Variants in CERK observed in about 807,000 individuals in gnomAD.
CERK encodes the protein acylsphingosine kinase.
A neutral mutation model predicts 63.4 loss-of-function variants in CERK; 39 were observed. That is an observed-to-expected ratio of 0.61 (90% CI 0.48 to 0.80). The LOEUF (loss-of-function observed/expected upper bound fraction) is 0.80. CERK is among the 30% of genes least tolerant of loss of function. CERK has a pLI of 0.00. For synonymous variants in CERK, 302 were observed against 280.0 expected (o/e 1.08, Z -0.78); for missense variants, 670 against 714.1 (o/e 0.94, Z 0.70).
chr22:46,698,266 G>A (rs1344227467), intron 8 of CERK, among the ~76,000 whole-genome samples: 8 of 152,244 alleles, frequency 5.3e-5, no homozygotes, highest in African/African-American at 1.2e-4. Context: ...CAGGGAGTGC[G>A]GCGTGGCATT....
At chr22:46,735,472 C>G (rs1041208478) in intron 1 of CERK, 1 of 152,266 alleles carries the variant, frequency 6.6e-6, no homozygotes, top group Non-Finnish European at 1.5e-5. Flanking sequence ...CCAGTCAATT[C>G]CCACTCCTAC....
At position 46,699,349 on chromosome 22, in the gene CERK, T is replaced by G. The variant is rs1359093782; in HGVS notation, c.907A>C (p.Lys303Gln). The change falls in exon 8 of 13, where the codon AAA becomes CAA. Residue 303 changes from lysine (K) to glutamine (Q), a missense_variant. Physicochemically the swap from Lys to Gln is moderately conservative, Grantham distance 53. Transcript: ENST00000216264. ...TATCTGGCAAGACCCAACCACCGTT[T>G]CTTCTCACTGTCCTTGATGATGTCC... ...YGDIIKDSEK[K>Q]RWLGLARYDF... 13 of 1,614,194 alleles carry G rather than the reference T, an allele frequency of 8.1e-6. No homozygotes were observed.
At chr22:46,716,559 T>A (rs563331705) in intron 3 of CERK, among the ~76,000 whole-genome samples, 1 of 152,086 alleles carries the variant, frequency 6.6e-6, no homozygotes, top group African/African-American at 2.4e-5. Context: ...GTAATTCTTA[T>A]TAATTACATA....
chr22:46,693,916 A>G (rs1171781504), intron 9 of CERK: 3 of 212,816 alleles, frequency 1.4e-5, no homozygotes, highest in African/African-American at 4.7e-5. Flanking sequence ...TAACAAGCAA[A>G]TAACTCAGAA....
chr22:46,728,774 G>A (rs1328567916), intron 1 of CERK, among the ~76,000 whole-genome samples: 1 of 152,236 alleles, frequency 6.6e-6, no homozygotes, highest in Non-Finnish European at 1.5e-5. Flanking sequence ...GCTGGGAGCT[G>A]GGTTTATCTC....
In CERK at chr22:46,699,312, C is replaced by T. The variant is rs1290989986; in HGVS notation, c.943+1G>A. On this transcript the variant is annotated splice_donor_variant, in intron 8 of 12. Transcript: ENST00000216264. LOFTEE classifies it high-confidence loss of function. ...AGCGAGTCTGCATTATTCTGAGTTACCTGAAAAGTCGTATCTGGCAAGACC... is the reference window on the plus strand; with the variant it reads ...AGCGAGTCTGCATTATTCTGAGTTATCTGAAAAGTCGTATCTGGCAAGACC... 3 of 1,614,088 alleles carry T rather than the reference C, an allele frequency of 1.9e-6. No individual in the cohort carries two copies. In the Admixed American group the frequency reaches 5.0e-5, roughly 27 times the overall value.
In CERK at chr22:46,693,409, C is replaced by T. The variant is rs1178135267; in HGVS notation, c.1126+18G>A. The stretch of plus-strand genomic sequence containing the variant: ...AGCACACACAGTGACAACACTGAGC[C>T]TGTGTTTTAGGAATTACCCGCAGCT... On this transcript the variant is annotated intron_variant, in intron 10 of 12. Transcript: ENST00000216264. 2.5e-6 allele frequency: 4 copies of T among 1,610,250 alleles called. No homozygotes were observed. Among genetic ancestry groups the T allele is most frequent in the Non-Finnish European group, 3.4e-6 (4 of 1,176,614 alleles).
rs373182961 is a variant in CERK at position 46,691,677 on chromosome 22, C to T, written c.1227G>A (p.Pro409=). 4.5e-5 allele frequency: 72 copies of T among 1,613,944 alleles called. No homozygotes were observed. The highest frequency in any genetic ancestry group is 1.2e-4 in the African/African-American group (9 of 75,020). The change falls in exon 11 of 13, where the codon CCG becomes CCA. Residue 409 remains proline, a synonymous_variant. Coordinates refer to ENST00000216264, the MANE Select transcript of CERK (RefSeq NM_022766.6). ...ACRRSPRGLS[P]AAHLGDGSSD... ...AAGACCCGTCTCCCAAGTGGGCAGC[C>T]GGGGAGAGGCCCCTGGGGCTCCGGC...
chr22:46,719,966 C>T, intron 3 of CERK, 120 bp downstream of exon 3: 1 of 1,346,926 alleles, frequency 7.4e-7, no homozygotes, highest in Non-Finnish European at 1.0e-6. Flanking sequence ...CCTGACTCAT[C>T]ATGTCCACCT....
intron 8 of CERK, among the ~76,000 whole-genome samples, chr22:46,697,385 C>T (rs777576447): frequency 6.8e-4 from 104 of 152,162 alleles, no homozygotes; most frequent in Non-Finnish European, 1.3e-3. Flanking sequence ...ACTGCAGCCT[C>T]CACCTTCTGT....
At chr22:46,697,310 C>CA (rs2082761341) in intron 8 of CERK, among the ~76,000 whole-genome samples, 5 of 148,648 alleles carry the variant, frequency 3.4e-5, no homozygotes, top group Non-Finnish European at 7.5e-5. Flanking sequence ...TCTTTCTTTT[C>CA]TTTTTTTTTT....
At chr22:46,729,899 C>T (rs1279419481) in intron 1 of CERK, among the ~76,000 whole-genome samples, 1 of 151,930 alleles carries the variant, frequency 6.6e-6, no homozygotes, top group African/African-American at 2.4e-5. Context: ...ATTAGCCAGG[C>T]GTGGTGGCAG....
At chr22:46,729,346 G>A (rs1228629526) in intron 1 of CERK, among the ~76,000 whole-genome samples, 1 of 152,162 alleles carries the variant, frequency 6.6e-6, no homozygotes, top group Non-Finnish European at 1.5e-5. Flanking sequence ...GAAACAGTGA[G>A]ACTGTAAATA....
chr22:46,711,496 A>T (rs1399598745), intron 4 of CERK, among the ~76,000 whole-genome samples: 3 of 152,240 alleles, frequency 2.0e-5, no homozygotes, highest in Non-Finnish European at 4.4e-5. Context: ...ACCAAAGTGT[A>T]GTAAGAAGAT....
At chr22:46,718,043 A>T (rs1569327078) in intron 3 of CERK, among the ~76,000 whole-genome samples, 1 of 152,166 alleles carries the variant, frequency 6.6e-6, no homozygotes, top group Non-Finnish European at 1.5e-5. Flanking sequence ...GCACCACTGC[A>T]CTCCAGCCCG....
At chr22:46,710,156 C>T (rs897315496) in intron 5 of CERK, among the ~76,000 whole-genome samples, 8 of 152,178 alleles carry the variant, frequency 5.3e-5, no homozygotes, top group East Asian at 1.9e-4. Context: ...TGGCCGGGCG[C>T]GGTGGCTCAT....
chr22:46,726,280 G>A (rs1056254281), intron 1 of CERK, among the ~76,000 whole-genome samples: 13 of 152,236 alleles, frequency 8.5e-5, no homozygotes, highest in African/African-American at 1.7e-4. Context: ...GGAGCACAGC[G>A]GTCCCTGGGA....
At chr22:46,725,627 AAATTCTCGTGACAG>A (rs1173504488) in intron 1 of CERK, among the ~76,000 whole-genome samples, 1 of 152,094 alleles carries the variant, frequency 6.6e-6, no homozygotes, top group East Asian at 1.9e-4. Context: ...TGACAGAGAT[AAATTCTCGTGACAG>A]AATTCTCGTG....
intron 1 of CERK, among the ~76,000 whole-genome samples, chr22:46,722,617 T>C (rs2146583726): frequency 6.8e-6 from 1 of 146,556 alleles, no homozygotes; most frequent in South Asian, 2.2e-4. Context: ...TGGAGGGCAA[T>C]AGCTCCATCT....
Sources: gnomAD v4.1 joint callset for allele counts (sites outside exome capture counted in the v4.1 genomes callset) on GRCh38, gnomAD v4.1.1 for gene constraint, MANE v1.5 for transcripts, NCBI Gene and HGNC (gene_info 2026-07-23, HGNC 2026-07-21) for gene names.